The following LETM1 variants were observed in gnomAD, a reference collection of about 807,000 sequenced individuals.
LETM1 encodes mitochondrial proton/calcium exchanger protein.
Under a neutral mutation model 74.5 loss-of-function variants are expected in LETM1, and 50 were observed. The observed-to-expected ratio is 0.67, with a 90% CI of 0.53 to 0.85. The LOEUF (loss-of-function observed/expected upper bound fraction) is 0.85. Among genes scored for constraint, LETM1 ranks in the 40% least tolerant of loss-of-function variants. LETM1 has a pLI of 0.00. For synonymous variants in LETM1, 446 were observed against 407.1 expected, an observed-to-expected ratio of 1.10 and a Z score of -1.15; for missense variants, 824 against 967.8, an observed-to-expected ratio of 0.85 and a Z score of 1.97.
intron 7 of LETM1, among the ~76,000 whole-genome samples, chr4:1,824,679 T>G (rs1160903600): frequency 6.6e-6 from 1 of 151,658 alleles, no homozygotes; most frequent in Non-Finnish European, 1.5e-5. Context: ...TGCGCCACAC[T>G]CCCCTGGGGG....
intron 2 of LETM1, among the ~76,000 whole-genome samples, chr4:1,844,718 A>G (rs1473115627): frequency 6.6e-6 from 1 of 151,492 alleles, no homozygotes; most frequent in African/African-American, 2.4e-5. Context: ...ACTGCACTCC[A>G]GCCTAGGTGA....
rs1282101000 is a variant in LETM1, at chr4:1,812,497, G to A, written c.*1927C>T. On this transcript the variant is annotated 3_prime_UTR_variant, in exon 14 of 14. Transcript: ENST00000302787. ...CTAGCTCCTGAAAAAGGCCAAGACC[G>A]AGGGTCTGGCCCTGGGCAGGTGTAA... The A allele has an allele frequency of 3.3e-5, 5 of 152,000 alleles. No homozygotes were observed. The highest frequency in any genetic ancestry group is 1.2e-4 in the African/African-American group (5 of 41,320). 9.4% of individuals were successfully genotyped at this position (152,000 alleles called of 1,614,324 possible).
At chr4:1,845,329 GACT>G (rs989248836) in intron 2 of LETM1, among the ~76,000 whole-genome samples, 24 of 152,068 alleles carry the variant, frequency 1.6e-4, no homozygotes, top group African/African-American at 5.3e-4. Context: ...CTTATCTGGT[GACT>G]ACAAGGCTCA....
At chr4:1,835,448 AAAC>A (rs1316741119) in intron 4 of LETM1, among the ~76,000 whole-genome samples, 1 of 151,564 alleles carries the variant, frequency 6.6e-6, no homozygotes, top group Non-Finnish European at 1.5e-5. Flanking sequence ...CTCAAAAAAA[AAAC>A]AAAAACAAAA....
chr4:1,843,740 C>T (rs942295363), intron 2 of LETM1, among the ~76,000 whole-genome samples: 3 of 152,178 alleles, frequency 2.0e-5, no homozygotes, highest in Non-Finnish European at 2.9e-5. Flanking sequence ...TCTCTCCAGG[C>T]GCTGGCCCAG....
chr4:1,815,897 C>T (rs1017929697), intron 12 of LETM1, 95 bp from the exon 13 acceptor site: 1 of 1,499,500 alleles, frequency 6.7e-7, no homozygotes, highest in Admixed American at 1.8e-5. Flanking sequence ...TCAGCACTGA[C>T]ACAGGCGGCT....
intron 10 of LETM1, among the ~76,000 whole-genome samples, chr4:1,820,588 T>C (rs933033165): frequency 5.3e-5 from 8 of 152,250 alleles, no homozygotes; most frequent in African/African-American, 1.7e-4. Flanking sequence ...ATGCTTTTGA[T>C]TGGGCTGAGA....
chr4:1,849,152 C>T lies in LETM1; in HGVS notation c.140G>A (p.Cys47Tyr), dbSNP rs979025019. Residue 47 changes from cysteine to tyrosine, a missense_variant, in exon 2 of 14, where the codon TGC (cysteine) becomes TAC (tyrosine). Around this residue, in one of 4 missense-constraint regions of LETM1, gnomAD observed 222 missense variants for 195.6 expected, o/e 1.14. Transcript: ENST00000302787. ...AGAGTGATACTGATTTACTCACAGGCAGTTCCTCAACCCCAGGGTGCTGGC... is the reference window on the plus strand; with the variant it reads ...AGAGTGATACTGATTTACTCACAGGTAGTTCCTCAACCCCAGGGTGCTGGC... ...SCASTLGLRN[C>Y]LNVPFGCCTP... is the part of the protein sequence containing the mutation. The T allele has an allele frequency of 1.9e-6, 3 of 1,610,322 alleles. No individual in the cohort carries two copies.
intron 12 of LETM1, among the ~76,000 whole-genome samples, chr4:1,816,194 G>C (rs1176553305): frequency 1.3e-5 from 2 of 152,232 alleles, no homozygotes; most frequent in South Asian, 2.1e-4. Flanking sequence ...CATGAGCAGG[G>C]TGCCACGTGC....
intron 7 of LETM1, 93 bp downstream of exon 7, chr4:1,825,471 C>T (rs1438612841): frequency 3.3e-6 from 5 of 1,497,000 alleles, no homozygotes; most frequent in Non-Finnish European, 4.5e-6. Context: ...GCCAGGCCGG[C>T]CCAGAGTTTG....
At chr4:1,832,691 G>T in intron 6 of LETM1, 53 bp downstream of exon 6, 1 of 1,543,402 alleles carries the variant, frequency 6.5e-7, no homozygotes, top group South Asian at 1.1e-5. Flanking sequence ...TTATCATCAG[G>T]AAACGAAAAG....
At chr4:1,845,568 GAC>G (rs1355985050) in intron 2 of LETM1, among the ~76,000 whole-genome samples, 2 of 134,672 alleles carry the variant, frequency 1.5e-5, no homozygotes, top group African/African-American at 5.6e-5. Context: ...TTTTTTTCGA[GAC>G]ACAGTTTTGC....
At chr4:1,847,612 G>A (rs557378950) in intron 2 of LETM1, among the ~76,000 whole-genome samples, 1 of 151,992 alleles carries the variant, frequency 6.6e-6, no homozygotes, top group Admixed American at 6.6e-5. Context: ...CTGAGGTCAG[G>A]AGTTTGAGAT....
At chr4:1,824,045 G>A (rs750792163) in intron 7 of LETM1, among the ~76,000 whole-genome samples, 18 of 152,294 alleles carry the variant, frequency 1.2e-4, no homozygotes, top group South Asian at 6.2e-4. Flanking sequence ...CCCAGGGGCC[G>A]GGCGCGGTGG....
intron 2 of LETM1, among the ~76,000 whole-genome samples, chr4:1,842,006 C>A (rs1001875471): frequency 2.5e-4 from 38 of 152,262 alleles, no homozygotes; most frequent in Admixed American, 2.4e-3. Context: ...CCCCCTCAGC[C>A]CCACACCACG....
chr4:1,835,746 C>T (rs1342503339), intron 4 of LETM1, among the ~76,000 whole-genome samples: 1 of 152,132 alleles, frequency 6.6e-6, no homozygotes, highest in African/African-American at 2.4e-5. Flanking sequence ...TCCCCTATAG[C>T]ACCGGTAGGG....
At chr4:1,827,170 G>A (rs1358531804) in intron 6 of LETM1, among the ~76,000 whole-genome samples, 3 of 152,168 alleles carry the variant, frequency 2.0e-5, no homozygotes, top group Non-Finnish European at 4.4e-5. Context: ...TTCCTTTAGG[G>A]GAGGTCTGCT....
intron 1 of LETM1, among the ~76,000 whole-genome samples, chr4:1,852,730 G>C (rs960198497): frequency 3.9e-5 from 6 of 152,204 alleles, no homozygotes; most frequent in African/African-American, 1.4e-4. Context: ...GAGCAACAGA[G>C]ACCCTGTCTA....
intron 1 of LETM1, among the ~76,000 whole-genome samples, chr4:1,854,288 T>C (rs945511940): frequency 3.9e-4 from 58 of 149,626 alleles, no homozygotes; most frequent in African/African-American, 1.4e-3. Context: ...AAGACCGGCC[T>C]GACCAACATG....
Sources: gnomAD v4.1 joint callset for allele counts (sites outside exome capture counted in the v4.1 genomes callset) on GRCh38, gnomAD v4.1.1 for gene constraint, gnomAD v4.1.1 regional missense constraint, MANE v1.5 for transcripts, NCBI Gene and HGNC (gene_info 2026-07-23, HGNC 2026-07-21) for gene names.